Variants in RSRC1 observed in about 807,000 individuals in gnomAD.
RSRC1 encodes serine/Arginine-related protein 53.
In RSRC1, 39 loss-of-function variants were observed where a neutral mutation model predicts 49.1. The observed-to-expected ratio is 0.79, with a 90% CI of 0.61 to 1.04. The LOEUF is 1.04. Ranked by LOEUF, RSRC1 falls within the 50% of genes least tolerant of loss-of-function variation. The pLI is 0.00. For missense variants in RSRC1, 388 were observed against 402.4 expected, an observed-to-expected ratio of 0.96 and a Z score of 0.31; for synonymous variants, 143 against 130.8, an observed-to-expected ratio of 1.09 and a Z score of -0.63.
intron 3 of RSRC1, among the ~76,000 whole-genome samples, chr3:158,171,959 A>G (rs752945331): frequency 7.2e-6 from 1 of 139,684 alleles, no homozygotes; most frequent in African/African-American, 3.4e-5. Context: ...CGCTTCAACA[A>G]CAACAACAAC....
intron 5 of RSRC1, among the ~76,000 whole-genome samples, chr3:158,341,269 A>G (rs939056843): frequency 6.6e-6 from 1 of 152,262 alleles, no homozygotes; most frequent in East Asian, 1.9e-4. Flanking sequence ...TCTCCAGGCC[A>G]TGTCAGAGAC....
chr3:158,463,869 T>C (rs946437329), intron 7 of RSRC1, among the ~76,000 whole-genome samples: 2 of 152,202 alleles, frequency 1.3e-5, no homozygotes, highest in African/African-American at 4.8e-5. Context: ...TATAGTTCAG[T>C]TGATTTTTCC....
chr3:158,334,560 A>C (rs1275897687), intron 5 of RSRC1, among the ~76,000 whole-genome samples: 3 of 151,418 alleles, frequency 2.0e-5, no homozygotes, highest in Non-Finnish European at 2.9e-5. Flanking sequence ...AGCTCACTGC[A>C]ACCTCCGACT....
chr3:158,226,373 G>T (rs181239521), intron 4 of RSRC1, among the ~76,000 whole-genome samples: 2 of 151,828 alleles, frequency 1.3e-5, no homozygotes, highest in African/African-American at 4.8e-5. Flanking sequence ...TGAAAGTCCC[G>T]GCCACAGTAG....
At chr3:158,321,772 G>T (rs931810115) in intron 5 of RSRC1, among the ~76,000 whole-genome samples, 2 of 151,938 alleles carry the variant, frequency 1.3e-5, no homozygotes, top group African/African-American at 4.8e-5. Context: ...ATTATACTAT[G>T]CATCTTTAAT....
At chr3:158,249,746 T>C (rs182014430) in intron 4 of RSRC1, among the ~76,000 whole-genome samples, 1 of 152,276 alleles carries the variant, frequency 6.6e-6, no homozygotes, top group East Asian at 1.9e-4. Flanking sequence ...TATTTTGATA[T>C]AGTATATAAA....
At chr3:158,127,826 A>G (rs1353344270) in intron 3 of RSRC1, among the ~76,000 whole-genome samples, 1 of 94,458 alleles carries the variant, frequency 1.1e-5, no homozygotes, top group Non-Finnish European at 2.1e-5. Context: ...CCTAGTCTTT[A>G]TGGACTGGCT....
chr3:158,404,089 C>A (rs567959755), intron 6 of RSRC1, among the ~76,000 whole-genome samples: 1 of 151,908 alleles, frequency 6.6e-6, no homozygotes, highest in East Asian at 1.9e-4. Flanking sequence ...GGGGTGACAG[C>A]TTGCAGAATA....
Position 158,228,857 on chromosome 3 carries a change from G to GTATATA in RSRC1, c.494+25613_494+25614insATATAT, listed in dbSNP as rs1491314551. ...TATATATGTATATAAACACACATAC[G>GTATATA]TGTATATATGTATATAAACACATAC... On this transcript the variant is annotated intron_variant, in intron 4 of 9. Transcript: ENST00000611884. Among the ~76,000 whole-genome samples, 10 of 103,382 alleles carry GTATATA rather than the reference G, an allele frequency of 9.7e-5. 1 individual carries two copies. Among genetic ancestry groups the GTATATA allele is most frequent in the Non-Finnish European group, 1.6e-4 (8 of 50,568 alleles). 67.8% of individuals were successfully genotyped at this position (103,382 alleles called of 152,430 possible).
intron 5 of RSRC1, among the ~76,000 whole-genome samples, chr3:158,308,938 G>A (rs947139150): frequency 3.3e-5 from 5 of 151,886 alleles, no homozygotes; most frequent in Non-Finnish European, 5.9e-5. Flanking sequence ...AAGATGAGAG[G>A]TAAATTAATG....
chr3:158,250,194 C>T (rs992892340), intron 4 of RSRC1, among the ~76,000 whole-genome samples: 2 of 152,096 alleles, frequency 1.3e-5, no homozygotes, highest in Non-Finnish European at 1.5e-5. Context: ...TATGTTAGCA[C>T]GTTTTCTTTA....
intron 1 of RSRC1, among the ~76,000 whole-genome samples, chr3:158,116,457 G>A (rs1327758405): frequency 6.6e-6 from 1 of 152,066 alleles, no homozygotes; most frequent in East Asian, 1.9e-4. Context: ...AAAAAGATGT[G>A]TATGTACTCG....
chr3:158,178,338 C>T (rs1719369602), intron 3 of RSRC1, among the ~76,000 whole-genome samples: 1 of 152,090 alleles, frequency 6.6e-6, no homozygotes, highest in South Asian at 2.1e-4. Flanking sequence ...TGGGGTTTCA[C>T]CATGTTGGCC....
chr3:158,216,442 T>A (rs1157945749), intron 4 of RSRC1, among the ~76,000 whole-genome samples: 1 of 151,712 alleles, frequency 6.6e-6, no homozygotes, highest in Non-Finnish European at 1.5e-5. Context: ...GGTTTCCTCT[T>A]CACCAGTTCT....
chr3:158,305,887 G>A (rs1427118871), intron 5 of RSRC1, among the ~76,000 whole-genome samples: 1 of 151,950 alleles, frequency 6.6e-6, no homozygotes, highest in African/African-American at 2.4e-5. Flanking sequence ...CTTACTCATA[G>A]CGTTGTTAAA....
intron 6 of RSRC1, among the ~76,000 whole-genome samples, chr3:158,386,441 C>T (rs1395960811): frequency 6.6e-6 from 1 of 151,960 alleles, no homozygotes; most frequent in Non-Finnish European, 1.5e-5. Flanking sequence ...AATTTATTCT[C>T]ATTATAAAGT....
intron 3 of RSRC1, among the ~76,000 whole-genome samples, chr3:158,130,336 C>G (rs531758838): frequency 5.3e-5 from 8 of 152,226 alleles, no homozygotes; most frequent in Admixed American, 1.3e-4. Context: ...AACATTCAGT[C>G]TATAGCATAC....
Position 158,218,289 on chromosome 3 carries a change from C to T in RSRC1, c.494+15044C>T, listed in dbSNP as rs1008672582. ...GCAGAGGGATAAGTAAGAGTGGATG[C>T]GGAGAAACCAGATAAGTAGCACAGT... On this transcript the variant is annotated intron_variant, in intron 4 of 9. Coordinates refer to ENST00000611884, the MANE Select transcript of RSRC1 (RefSeq NM_001271838.2). Among the ~76,000 whole-genome samples the T allele has an allele frequency of 5.3e-5, 8 of 151,420 alleles. No homozygotes were observed. The East Asian group carries it at 5.8e-4, about 11-fold the overall frequency.
intron 6 of RSRC1, among the ~76,000 whole-genome samples, chr3:158,361,753 G>A (rs1413903647): frequency 2.6e-5 from 4 of 152,000 alleles, no homozygotes; most frequent in South Asian, 2.1e-4. Context: ...CAAGTTTCCC[G>A]TATTCTTTTC....
Sources: allele counts gnomAD v4.1 joint callset (sites outside exome capture counted in the v4.1 genomes callset), GRCh38; gene constraint gnomAD v4.1.1; transcripts MANE v1.5; gene names NCBI Gene and HGNC (gene_info 2026-07-23, HGNC 2026-07-21).